Variants in RREB1 observed in about 807,000 individuals in gnomAD.
RREB1 encodes ras responsive element binding protein 1.
In RREB1, 27 loss-of-function variants were observed where a neutral mutation model predicts 117.8. The observed-to-expected ratio is 0.23, with a 90% CI of 0.17 to 0.32. RREB1 has a LOEUF of 0.32. RREB1 is among the 10% of genes least tolerant of loss of function. The pLI, the probability that RREB1 is intolerant of heterozygous loss-of-function variation, is 1.00. For synonymous variants in RREB1, 1,298 were observed against 1,026.7 expected (o/e 1.26, Z -5.05); for missense variants, 2,577 against 2,378.2 (o/e 1.08, Z -1.74).
At chr6:7,126,121 C>A (rs1001366239) in intron 1 of RREB1, among the ~76,000 whole-genome samples, 1 of 152,232 alleles carries the variant, frequency 6.6e-6, no homozygotes, top group South Asian at 2.1e-4. Context: ...CCTGCCTCAG[C>A]CTCCTGAGTA....
intron 1 of RREB1, among the ~76,000 whole-genome samples, chr6:7,150,179 C>CTAA: frequency 6.6e-6 from 1 of 152,126 alleles, no homozygotes; most frequent in Admixed American, 6.5e-5. Flanking sequence ...CCCAGAGTTG[C>CTAA]TAATACCTGC....
chr6:7,140,299 T>C (rs1762510545), intron 1 of RREB1, among the ~76,000 whole-genome samples: 1 of 152,250 alleles, frequency 6.6e-6, no homozygotes, highest in African/African-American at 2.4e-5. Context: ...TGAAAGATTC[T>C]CAAGGCCCTA....
At position 7,209,696 on chromosome 6, in the gene RREB1, G is replaced by A. The variant is rs1001837928; in HGVS notation, c.426-1108G>A. Among the ~76,000 whole-genome samples, 5 of 151,020 alleles carry A rather than the reference G, an allele frequency of 3.3e-5. No homozygotes were observed. In the East Asian group the frequency reaches 9.7e-4, roughly 29 times the overall value. On this transcript the variant is annotated intron_variant, in intron 6 of 12. Coordinates refer to ENST00000379938, the MANE Select transcript of RREB1 (RefSeq NM_001003699.4). The stretch of plus-strand genomic sequence containing the variant: ...GCCAATACCGTGCCACTGCACTCCA[G>A]CCTGGGCGACAGAGCAAGACTCCAT...
chr6:7,119,961 C>A (rs1023436564), intron 1 of RREB1, among the ~76,000 whole-genome samples: 21 of 151,912 alleles, frequency 1.4e-4, no homozygotes, highest in African/African-American at 4.8e-4. Flanking sequence ...GGAAGGGAGA[C>A]ATGACTTCCT....
At chr6:7,120,217 G>A (rs58000897) in intron 1 of RREB1, among the ~76,000 whole-genome samples, 2,424 of 152,096 alleles carry the variant, frequency 0.016, 60 homozygotes, top group African/African-American at 0.055. Context: ...TTGGGAGGCC[G>A]AGCCGTGCAG....
chr6:7,115,633 G>A (rs1043430562), intron 1 of RREB1, among the ~76,000 whole-genome samples: 1 of 152,130 alleles, frequency 6.6e-6, no homozygotes, highest in Non-Finnish European at 1.5e-5. Flanking sequence ...AGTCCCATAC[G>A]TGGTAACGAG....
chr6:7,150,734 G>A (rs1456386414), intron 1 of RREB1, among the ~76,000 whole-genome samples: 9 of 152,240 alleles, frequency 5.9e-5, no homozygotes, highest in Non-Finnish European at 1.3e-4. Context: ...TTTCAGGGTG[G>A]GGATGGCACA....
rs113028287 is a variant in RREB1 at position 7,223,235 on chromosome 6, C to T, written c.708-3232C>T. Among the ~76,000 whole-genome samples, 614 of 133,624 alleles carry T rather than the reference C, an allele frequency of 4.6e-3. 4 individuals carry two copies. The highest frequency in any genetic ancestry group is 0.017 in the African/African-American group (564 of 34,052). 87.7% of individuals were successfully genotyped at this position (133,624 alleles called of 152,430 possible). A position where few individuals can be genotyped will look rare whatever the true frequency, so the allele number is the denominator to read the frequency against. On this transcript the variant is annotated intron_variant, in intron 8 of 12. Coordinates refer to ENST00000379938, the MANE Select transcript of RREB1 (RefSeq NM_001003699.4). ...TCATGCCACTGCACTGCAGCCTGGGCGACAGAGCAAGACTCTCTTTTTAAA... is the reference window on the plus strand; with the variant it reads ...TCATGCCACTGCACTGCAGCCTGGGTGACAGAGCAAGACTCTCTTTTTAAA...
chr6:7,209,635 A>G (rs1261223270), intron 6 of RREB1, among the ~76,000 whole-genome samples: 1 of 147,504 alleles, frequency 6.8e-6, no homozygotes, highest in Non-Finnish European at 1.5e-5. Context: ...GTGAAATGAC[A>G]TGGTCATAGC....
intron 11 of RREB1, among the ~76,000 whole-genome samples, chr6:7,243,027 A>G (rs1486912140): frequency 8.5e-5 from 13 of 152,150 alleles, no homozygotes; most frequent in Non-Finnish European, 1.0e-4. Flanking sequence ...GTAGGCACCT[A>G]CATAGGGCTG....
At chr6:7,157,555 G>A (rs1763434214) in intron 1 of RREB1, among the ~76,000 whole-genome samples, 2 of 151,292 alleles carry the variant, frequency 1.3e-5, no homozygotes, top group African/African-American at 2.4e-5. Context: ...TGGATTGCTC[G>A]AGCCCAGGAG....
chr6:7,121,363 A>G (rs1456409033), intron 1 of RREB1, among the ~76,000 whole-genome samples: 1 of 152,162 alleles, frequency 6.6e-6, no homozygotes, highest in Non-Finnish European at 1.5e-5. Flanking sequence ...GGACCAAGCT[A>G]GGACTCTCAC....
rs564904361 is a variant in RREB1, at chr6:7,245,114, G to A, written c.3974-1310G>A. Among the ~76,000 whole-genome samples, 13 of 152,342 alleles carry A rather than the reference G, an allele frequency of 8.5e-5. No homozygotes were observed. The South Asian group carries it at 2.7e-3, about 32-fold the overall frequency. ...TCCCTGCAGTAATAAATCAGACAGTGGCCGGGCACGGTGGCTCACGCCTGT... is the reference window on the plus strand; with the variant it reads ...TCCCTGCAGTAATAAATCAGACAGTAGCCGGGCACGGTGGCTCACGCCTGT... On this transcript the variant is annotated intron_variant, in intron 11 of 12. Transcript: ENST00000379938.
At chr6:7,123,517 A>C (rs1460491710) in intron 1 of RREB1, among the ~76,000 whole-genome samples, 1 of 151,170 alleles carries the variant, frequency 6.6e-6, no homozygotes, top group African/African-American at 2.4e-5. Flanking sequence ...ATTACTGAAT[A>C]AGTTAATAAA....
chr6:7,190,767 C>G (rs1200221795), intron 6 of RREB1, among the ~76,000 whole-genome samples: 2 of 152,196 alleles, frequency 1.3e-5, no homozygotes, highest in Non-Finnish European at 2.9e-5. Flanking sequence ...TCTGCTCGTT[C>G]TACACCCCAC....
chr6:7,159,470 A>T (rs1238389130), intron 1 of RREB1, among the ~76,000 whole-genome samples: 1 of 152,192 alleles, frequency 6.6e-6, no homozygotes, highest in Non-Finnish European at 1.5e-5. Context: ...TTTCCAGAGG[A>T]TGAGTTCTGT....
chr6:7,155,154 G>T (rs1468210110), intron 1 of RREB1, among the ~76,000 whole-genome samples: 1 of 152,136 alleles, frequency 6.6e-6, no homozygotes, highest in African/African-American at 2.4e-5. Context: ...GAGAAGAAAG[G>T]CCCTGTTCTC....
chr6:7,123,596 G>A (rs1397541139), intron 1 of RREB1, among the ~76,000 whole-genome samples: 1 of 149,538 alleles, frequency 6.7e-6, no homozygotes, highest in Non-Finnish European at 1.5e-5. Flanking sequence ...GTTAGGCCAG[G>A]CCATGTGATG....
intron 4 of RREB1, among the ~76,000 whole-genome samples, chr6:7,185,729 A>G (rs1445945186): frequency 1.3e-5 from 2 of 151,950 alleles, no homozygotes; most frequent in Non-Finnish European, 2.9e-5. Flanking sequence ...GGTGACTTTT[A>G]TTTTCATCAT....
Sources: gnomAD v4.1 joint callset for allele counts (sites outside exome capture counted in the v4.1 genomes callset) on GRCh38, gnomAD v4.1.1 for gene constraint, MANE v1.5 for transcripts, NCBI Gene and HGNC (gene_info 2026-07-23, HGNC 2026-07-21) for gene names.